Variants in SAMTOR observed in about 807,000 individuals in gnomAD.
The protein encoded by SAMTOR is S-adenosylmethionine sensor upstream of mTORC1, also known as UPF0532 protein C7orf60.
the SAMTOR span, among the ~76,000 whole-genome samples, chr7:112,869,243 G>T: frequency 1.3e-5 from 2 of 152,118 alleles, no homozygotes; most frequent in East Asian, 3.9e-4. Flanking sequence ...GGACCAGAGC[G>T]TGTGGGCTGA....
At chr7:112,917,384 G>T in the SAMTOR span, among the ~76,000 whole-genome samples, 1 of 152,198 alleles carries the variant, frequency 6.6e-6, no homozygotes, top group East Asian at 1.9e-4. Context: ...TGCAGCTGAG[G>T]GTCCTGTCTG....
chr7:112,882,592 G>A, the SAMTOR span, among the ~76,000 whole-genome samples: 1 of 151,982 alleles, frequency 6.6e-6, no homozygotes, highest in South Asian at 2.1e-4. Context: ...AGGAGGCTGA[G>A]GCAGGAGAAT....
At chr7:112,856,099 G>A in the SAMTOR span, among the ~76,000 whole-genome samples, 9 of 152,122 alleles carry the variant, frequency 5.9e-5, no homozygotes, top group African/African-American at 1.9e-4. Flanking sequence ...GAATATAAAC[G>A]AGTATACAAC....
At chr7:112,859,644 C>T in the SAMTOR span, among the ~76,000 whole-genome samples, 3 of 151,904 alleles carry the variant, frequency 2.0e-5, no homozygotes, top group Non-Finnish European at 4.4e-5. Flanking sequence ...TGGTCCCGAC[C>T]CTGTGTAGGT....
At chr7:112,871,669 G>T in the SAMTOR span, among the ~76,000 whole-genome samples, 1 of 152,022 alleles carries the variant, frequency 6.6e-6, no homozygotes, top group Admixed American at 6.6e-5. Context: ...AATTAGAGCA[G>T]AAGTAAATGA....
the SAMTOR span, chr7:112,822,127 C>A: frequency 6.2e-7 from 1 of 1,613,832 alleles, no homozygotes; most frequent in Non-Finnish European, 8.5e-7. Context: ...TGGGAGGAAT[C>A]AGGTGTGATG....
chr7:112,918,710 G>A, the SAMTOR span, among the ~76,000 whole-genome samples: 123 of 152,188 alleles, frequency 8.1e-4, no homozygotes, highest in East Asian at 0.018. Flanking sequence ...CCCATCTCAC[G>A]TGCAGAGACA....
the SAMTOR span, among the ~76,000 whole-genome samples, chr7:112,919,145 A>T: frequency 5.9e-5 from 9 of 152,070 alleles, no homozygotes; most frequent in South Asian, 2.1e-4. Flanking sequence ...CAGAATATAC[A>T]TTTTTTTCAG....
chr7:112,903,613 G>A, the SAMTOR span, among the ~76,000 whole-genome samples: 2 of 152,238 alleles, frequency 1.3e-5, no homozygotes, highest in South Asian at 4.1e-4. Flanking sequence ...GAAGTATTCA[G>A]GAATAAAAGT....
the SAMTOR span, among the ~76,000 whole-genome samples, chr7:112,930,272 G>T: frequency 2.6e-5 from 4 of 152,036 alleles, no homozygotes; most frequent in African/African-American, 9.7e-5. Flanking sequence ...GCCATACAAC[G>T]ACCAGTCTTC....
the SAMTOR span, among the ~76,000 whole-genome samples, chr7:112,918,134 A>C: frequency 1.3e-5 from 2 of 152,188 alleles, no homozygotes; most frequent in Non-Finnish European, 2.9e-5. Context: ...CAACTCCAAG[A>C]CACATAGTTG....
At chr7:112,915,766 T>C in the SAMTOR span, among the ~76,000 whole-genome samples, 1 of 152,236 alleles carries the variant, frequency 6.6e-6, no homozygotes, top group Non-Finnish European at 1.5e-5. Context: ...AGATACTGTA[T>C]ATATGAGTTA....
chr7:112,857,337 C>A, the SAMTOR span, among the ~76,000 whole-genome samples: 1 of 147,520 alleles, frequency 6.8e-6, no homozygotes, highest in African/African-American at 2.6e-5. Flanking sequence ...ATGATCCACC[C>A]GCCTCGGCCT....
At chr7:112,849,640 T>C in the SAMTOR span, among the ~76,000 whole-genome samples, 17 of 152,310 alleles carry the variant, frequency 1.1e-4, no homozygotes, top group East Asian at 1.3e-3. Context: ...CTATGTTGAA[T>C]AGTAGTGGTG....
At chr7:112,936,449 G>C in the SAMTOR span, among the ~76,000 whole-genome samples, 21 of 152,122 alleles carry the variant, frequency 1.4e-4, no homozygotes, top group Admixed American at 3.3e-4. Flanking sequence ...TAAACGAAAA[G>C]AGTGCATTAA....
chr7:112,919,552 A>G, the SAMTOR span, among the ~76,000 whole-genome samples: 1 of 152,198 alleles, frequency 6.6e-6, no homozygotes, highest in African/African-American at 2.4e-5. Context: ...GAAAAGCTAG[A>G]GCAAACACAT....
At chr7:112,875,038 T>C in the SAMTOR span, among the ~76,000 whole-genome samples, 1 of 152,128 alleles carries the variant, frequency 6.6e-6, no homozygotes, top group Non-Finnish European at 1.5e-5. Context: ...GTATCCGTGA[T>C]CCAATCCGAT....
At chr7:112,905,610 T>C in the SAMTOR span, among the ~76,000 whole-genome samples, 1 of 152,156 alleles carries the variant, frequency 6.6e-6, no homozygotes, top group Admixed American at 6.5e-5. Flanking sequence ...AATGCAAGGA[T>C]GGTTCAGCAT....
chr7:112,829,772 T>C, the SAMTOR span, among the ~76,000 whole-genome samples: 3 of 152,224 alleles, frequency 2.0e-5, no homozygotes, highest in Non-Finnish European at 4.4e-5. Flanking sequence ...TTCTCCATTA[T>C]TGAGGTAAGA....
Sources: gnomAD v4.1 joint callset for allele counts (sites outside exome capture counted in the v4.1 genomes callset) on GRCh38, gnomAD v4.1.1 for gene constraint, MANE v1.5 for transcripts, NCBI Gene and HGNC (gene_info 2026-07-23, HGNC 2026-07-21) for gene names.